The following TRIM2 variants were observed in gnomAD, a reference collection of about 807,000 sequenced individuals.
TRIM2 encodes the protein tripartite motif-containing protein 2.
Under a neutral mutation model 75.2 loss-of-function variants are expected in TRIM2, and 20 were observed. The ratio of observed to expected loss-of-function variants is 0.27; its 90% confidence interval spans 0.19 to 0.39. The LOEUF (loss-of-function observed/expected upper bound fraction) is 0.39. Among genes scored for constraint, TRIM2 ranks in the 10% least tolerant of loss-of-function variants. TRIM2 has a pLI of 1.00. For missense variants in TRIM2, 660 were observed against 990.8 expected (o/e 0.67, Z 4.48); for synonymous variants, 373 against 388.3 (o/e 0.96, Z 0.46).
At chr4:153,185,084 C>T (rs986505662) in intron 1 of TRIM2, among the ~76,000 whole-genome samples, 5 of 152,230 alleles carry the variant, frequency 3.3e-5, no homozygotes, top group South Asian at 2.1e-4. Flanking sequence ...TCAGCAGCAT[C>T]GTTCCACAGT....
At chr4:153,154,797 TTGATGTCTGTC>T (rs1450305438) in intron 1 of TRIM2, among the ~76,000 whole-genome samples, 3 of 152,152 alleles carry the variant, frequency 2.0e-5, no homozygotes, top group African/African-American at 7.2e-5. Context: ...TGGGGAAAGA[TTGATGTCTGTC>T]TGCCTCAAAA....
intron 1 of TRIM2, among the ~76,000 whole-genome samples, chr4:153,263,107 G>T (rs889877568): frequency 6.6e-6 from 1 of 152,174 alleles, no homozygotes. Context: ...GAAGCGAGAG[G>T]ATCACTTGAG....
At chr4:153,257,883 G>A in intron 1 of TRIM2, 1 of 307,724 alleles carries the variant, frequency 3.2e-6, no homozygotes. Context: ...ATCCTCTGTA[G>A]CTGTAAAATG....
chr4:153,270,423 T>C lies in TRIM2; in HGVS notation c.119T>C (p.Val40Ala), dbSNP rs773535787. 6 of 1,613,912 alleles carry C rather than the reference T, an allele frequency of 3.7e-6. No individual in the cohort carries two copies. The highest frequency in any genetic ancestry group is 1.3e-5 in the African/African-American group (1 of 74,912). Residue 40 changes from valine to alanine, a missense_variant, in exon 2 of 12, where the codon GTG (valine) becomes GCG (alanine). This residue lies in a region of TRIM2 where 620 missense variants were observed against 891.0 expected (regional missense o/e 0.70). Transcript: ENST00000338700. ...SEGTNIPSPV[V>A]RQIDKQFLIC... is the part of the protein sequence containing the mutation. ...GGCACCAACATCCCAAGTCCTGTGG[T>C]GCGCCAGATTGACAAGCAGTTTCTG... is the stretch of plus-strand genomic sequence containing the variant.
intron 3 of TRIM2, 102 bp downstream of exon 3, chr4:153,276,232 G>C (rs1196132930): frequency 7.2e-6 from 7 of 974,726 alleles, no homozygotes; most frequent in Non-Finnish European, 1.1e-5. Context: ...AGAACTCCAT[G>C]TGGAAAAATC....
intron 1 of TRIM2, among the ~76,000 whole-genome samples, chr4:153,213,398 T>G (rs898243943): frequency 1.3e-5 from 2 of 152,214 alleles, no homozygotes; most frequent in Admixed American, 1.3e-4. Context: ...GCAATGAATG[T>G]TTTTGCAATA....
upstream of TRIM2, chr4:153,204,409 T>C: frequency 8.9e-7 from 1 of 1,126,698 alleles, no homozygotes; most frequent in Non-Finnish European, 1.3e-6. Flanking sequence ...GCTGACTAGC[T>C]GTTTATATTT....
chr4:153,236,192 A>G (rs1744987773), intron 1 of TRIM2, among the ~76,000 whole-genome samples: 1 of 152,084 alleles, frequency 6.6e-6, no homozygotes, highest in African/African-American at 2.4e-5. Flanking sequence ...CTGTGAGTCA[A>G]TTAAACCTTT....
At chr4:153,180,766 C>A (rs1225870946) in intron 1 of TRIM2, among the ~76,000 whole-genome samples, 1 of 152,262 alleles carries the variant, frequency 6.6e-6, no homozygotes, top group Admixed American at 6.5e-5. Flanking sequence ...GCCTGAGCCA[C>A]AGCACCTGGC....
intron 1 of TRIM2, among the ~76,000 whole-genome samples, chr4:153,183,018 A>G (rs538541960): frequency 4.6e-5 from 7 of 152,346 alleles, no homozygotes; most frequent in African/African-American, 1.7e-4. Flanking sequence ...CACTTGGAAC[A>G]TACTAAAGAT....
At chr4:153,241,401 G>T (rs1256030101) in intron 1 of TRIM2, among the ~76,000 whole-genome samples, 3 of 152,190 alleles carry the variant, frequency 2.0e-5, no homozygotes, top group Non-Finnish European at 4.4e-5. Flanking sequence ...GGATGGTCCT[G>T]CCCCCTCCCC....
At chr4:153,249,637 TG>T (rs1750330361) in intron 1 of TRIM2, among the ~76,000 whole-genome samples, 1 of 150,568 alleles carries the variant, frequency 6.6e-6, no homozygotes, top group African/African-American at 2.4e-5. Context: ...GCCCCGGCCC[TG>T]GGGGCCTCTG....
At chr4:153,328,773 T>G in intron 11 of TRIM2, 103 bp downstream of exon 11, 16 of 1,335,270 alleles carry the variant, frequency 1.2e-5, no homozygotes, top group African/African-American at 3.0e-5. Context: ...TTCCATTGGT[T>G]AGGACATAGA....
At chr4:153,227,478 G>A (rs1053538603) in intron 1 of TRIM2, among the ~76,000 whole-genome samples, 5 of 152,198 alleles carry the variant, frequency 3.3e-5, no homozygotes, top group Non-Finnish European at 7.3e-5. Context: ...AGACAGAACT[G>A]TCTCTTTTGC....
intron 1 of TRIM2, among the ~76,000 whole-genome samples, chr4:153,238,190 T>G (rs911838735): frequency 2.0e-5 from 3 of 152,256 alleles, no homozygotes; most frequent in Non-Finnish European, 4.4e-5. Context: ...CTTCTGTGTG[T>G]GTCAGTCCAC....
chr4:153,204,698 AC>A (rs1434665401), intron 1 of TRIM2, 138 bp downstream of exon 1: 17 of 1,176,392 alleles, frequency 1.4e-5, no homozygotes, highest in Non-Finnish European at 2.1e-5. Context: ...GAAGGAAAAG[AC>A]TGGGATTTGC....
At chr4:153,205,067 A>C (rs535840674) in intron 1 of TRIM2, among the ~76,000 whole-genome samples, 2 of 152,354 alleles carry the variant, frequency 1.3e-5, no homozygotes, top group South Asian at 4.1e-4. Flanking sequence ...AGTTTAGAGC[A>C]GACAGGAGAC....
intron 3 of TRIM2, among the ~76,000 whole-genome samples, chr4:153,277,711 T>C (rs1407049013): frequency 6.6e-6 from 1 of 152,198 alleles, no homozygotes; most frequent in Admixed American, 6.5e-5. Context: ...AGAAATAGCA[T>C]CCTGAGCTTT....
chr4:153,277,296 C>T (rs892344863), intron 3 of TRIM2, among the ~76,000 whole-genome samples: 2 of 152,162 alleles, frequency 1.3e-5, no homozygotes, highest in African/African-American at 2.4e-5. Context: ...CAAATTTCTC[C>T]TGCACACAGC....
Sources: gnomAD v4.1 joint callset for allele counts (sites outside exome capture counted in the v4.1 genomes callset) on GRCh38, gnomAD v4.1.1 for gene constraint, gnomAD v4.1.1 regional missense constraint, MANE v1.5 for transcripts, NCBI Gene and HGNC (gene_info 2026-07-23, HGNC 2026-07-21) for gene names.